Variants in RFC3 observed in about 807,000 individuals in gnomAD.
RFC3 encodes the protein replication factor C subunit 3.
A neutral mutation model predicts 45.1 loss-of-function variants in RFC3; 41 were observed. That is an observed-to-expected ratio of 0.91 (90% CI 0.71 to 1.18). The LOEUF is 1.18. Ranked by LOEUF, RFC3 falls within the 50% of genes most tolerant of loss-of-function variation. The probability of loss-of-function intolerance (pLI) is 0.00; values close to 1 mark genes in which losing one functional copy is unlikely to be tolerated. For missense variants in RFC3, 423 were observed against 428.1 expected, an observed-to-expected ratio of 0.99 and a Z score of 0.10; for synonymous variants, 149 against 144.0, an observed-to-expected ratio of 1.03 and a Z score of -0.25.
intron 8 of RFC3, chr13:33,847,683 C>T (rs924100743): frequency 1.3e-5 from 2 of 152,056 alleles, no homozygotes; most frequent in African/African-American, 2.4e-5. Context: ...ATATTGCCTA[C>T]ATTTTCTTAG....
At chr13:33,896,497 G>A (rs576640299) in intron 8 of RFC3, among the ~76,000 whole-genome samples, 1 of 151,774 alleles carries the variant, frequency 6.6e-6, no homozygotes, top group African/African-American at 2.4e-5. Flanking sequence ...GCCAAGAAGG[G>A]TGGATCACTT....
the RFC3 span, among the ~76,000 whole-genome samples, chr13:33,974,806 CA>C: frequency 6.6e-6 from 1 of 152,046 alleles, no homozygotes; most frequent in African/African-American, 2.4e-5. Context: ...TTGCATATTT[CA>C]AATTAAAACA....
intron 4 of RFC3, among the ~76,000 whole-genome samples, chr13:33,827,974 A>G (rs1431793563): frequency 2.0e-5 from 3 of 151,942 alleles, no homozygotes; most frequent in Admixed American, 1.3e-4. Context: ...ATTGAGACCA[A>G]CAAGACCCGA....
At chr13:33,867,359 C>T (rs1347428294) in intron 8 of RFC3, among the ~76,000 whole-genome samples, 3 of 152,200 alleles carry the variant, frequency 2.0e-5, no homozygotes, top group Non-Finnish European at 2.9e-5. Flanking sequence ...ACCTATAAAG[C>T]TTGCTTTCTT....
chr13:33,890,585 C>T (rs147655709), intron 8 of RFC3, among the ~76,000 whole-genome samples: 185 of 152,278 alleles, frequency 1.2e-3, no homozygotes, highest in African/African-American at 4.2e-3. Flanking sequence ...CACCTCTCTT[C>T]GGAAAATCTA....
chr13:33,880,643 G>A (rs192112844), intron 8 of RFC3, among the ~76,000 whole-genome samples: 23 of 152,194 alleles, frequency 1.5e-4, no homozygotes, highest in Admixed American at 1.3e-4. Context: ...GGTGCTAGTG[G>A]CTACTGTATT....
chr13:33,956,185 T>C lies in RFC3; in HGVS notation c.880-9902T>C, dbSNP rs1001505428. Among the ~76,000 whole-genome samples, 44 of 152,292 alleles carry C rather than the reference T, an allele frequency of 2.9e-4. No homozygotes were observed. The Middle Eastern group carries it at 0.01, about 35-fold the overall frequency. On this transcript the variant is annotated intron_variant, in intron 8 of 8. Coordinates refer to the RFC3 transcript ENST00000434425. ...GGAAAGACACAGAGAGGACACAAAA[T>C]AAAGAGAAAAGATTAAAGTGTATTT...
At chr13:33,831,459 G>A (rs913076980) in intron 7 of RFC3, 105 bp downstream of exon 7, 2 of 634,964 alleles carry the variant, frequency 3.1e-6, no homozygotes, top group Non-Finnish European at 5.5e-6. Flanking sequence ...ATTAAATCCT[G>A]AATCTATGTA....
intron 8 of RFC3, among the ~76,000 whole-genome samples, chr13:33,951,635 G>A (rs2082992265): frequency 6.6e-6 from 1 of 152,056 alleles, no homozygotes; most frequent in Admixed American, 6.6e-5. Context: ...CCTTTCGAAA[G>A]CTATCCACAG....
intron 8 of RFC3, among the ~76,000 whole-genome samples, chr13:33,916,665 T>G (rs1340987423): frequency 2.0e-5 from 3 of 152,156 alleles, no homozygotes; most frequent in Non-Finnish European, 4.4e-5. Context: ...TGTGTGTCTG[T>G]GTATATGTAG....
chr13:33,836,001 A>G, intron 8 of RFC3, 103 bp from the exon 9 acceptor site: 3 of 1,193,440 alleles, frequency 2.5e-6, no homozygotes, highest in Non-Finnish European at 3.5e-6. Flanking sequence ...TCACACATAT[A>G]AAGAGAGTAT....
At chr13:33,917,328 C>T (rs1006185661) in intron 8 of RFC3, among the ~76,000 whole-genome samples, 1 of 152,094 alleles carries the variant, frequency 6.6e-6, no homozygotes, top group Non-Finnish European at 1.5e-5. Flanking sequence ...CCTTAGCTTC[C>T]AGAAAGATAA....
At chr13:33,896,488 C>T (rs1023978663) in intron 8 of RFC3, among the ~76,000 whole-genome samples, 1 of 151,462 alleles carries the variant, frequency 6.6e-6, no homozygotes, top group Non-Finnish European at 1.5e-5. Context: ...CTTTGGGAGG[C>T]CAAGAAGGGT....
At chr13:33,933,117 G>A (rs1333104173) in intron 8 of RFC3, among the ~76,000 whole-genome samples, 1 of 152,134 alleles carries the variant, frequency 6.6e-6, no homozygotes, top group Non-Finnish European at 1.5e-5. Context: ...CAGCTGCTCA[G>A]CCTCATTGAT....
At chr13:33,939,338 A>G (rs1239620218) in intron 8 of RFC3, among the ~76,000 whole-genome samples, 1 of 152,114 alleles carries the variant, frequency 6.6e-6, no homozygotes, top group East Asian at 1.9e-4. Flanking sequence ...CCCTCTGGGA[A>G]GAGTGGAGGG....
chr13:33,896,618 A>G (rs1038214813), intron 8 of RFC3, among the ~76,000 whole-genome samples: 2 of 144,074 alleles, frequency 1.4e-5, no homozygotes, highest in African/African-American at 5.0e-5. Context: ...AGGCTGAGGC[A>G]TGAAAATCAC....
At chr13:33,933,008 C>T (rs1161586789) in intron 8 of RFC3, among the ~76,000 whole-genome samples, 1 of 152,130 alleles carries the variant, frequency 6.6e-6, no homozygotes, top group African/African-American at 2.4e-5. Context: ...CTTTTGAACA[C>T]CTAATAAATA....
intron 8 of RFC3, among the ~76,000 whole-genome samples, chr13:33,894,708 A>C (rs2082586003): frequency 6.6e-6 from 1 of 152,200 alleles, no homozygotes; most frequent in Non-Finnish European, 1.5e-5. Context: ...GGAACACTGC[A>C]GGTGTTCCTG....
rs1555308741 is a variant in RFC3, at chr13:33,836,253, T to C, written c.1029T>C (p.Tyr343=). The C allele has an allele frequency of 4.3e-6, 7 of 1,613,424 alleles. No individual in the cohort carries two copies. The Admixed American group carries it at 1.2e-4, about 27-fold the overall frequency. The change falls in exon 9 of 9, where the codon TAT becomes TAC. Residue 343 remains tyrosine, a synonymous_variant. Coordinates refer to ENST00000380071, the MANE Select transcript of RFC3 (RefSeq NM_002915.4). ...EAFVAKFMAL[Y]KKFMEDGLEG... ...TTGTGGCCAAATTCATGGCACTTTATAAGAAGTTCATGGAGGATGGATTGG... is the reference window on the plus strand; with the variant it reads ...TTGTGGCCAAATTCATGGCACTTTACAAGAAGTTCATGGAGGATGGATTGG...
Sources: allele counts gnomAD v4.1 joint callset (sites outside exome capture counted in the v4.1 genomes callset), GRCh38; gene constraint gnomAD v4.1.1; transcripts MANE v1.5; gene names NCBI Gene and HGNC (gene_info 2026-07-23, HGNC 2026-07-21).